Variants in DYDC2 observed in about 807,000 individuals in gnomAD.
The protein encoded by DYDC2 is DPY30 domain-containing protein 2.
In DYDC2, 19 loss-of-function variants were observed where a neutral mutation model predicts 18.7. The observed-to-expected ratio is 1.02, with a 90% confidence interval of 0.71 to 1.49. DYDC2 has a LOEUF of 1.49. Among genes scored for constraint, DYDC2 ranks in the 40% most tolerant of loss-of-function variants. The pLI, the probability that DYDC2 is intolerant of heterozygous loss-of-function variation, is 0.00. For synonymous variants in DYDC2, 63 were observed against 67.6 expected, an observed-to-expected ratio of 0.93 and a Z score of 0.34; for missense variants, 179 against 205.1, an observed-to-expected ratio of 0.87 and a Z score of 0.78.
chr10:80,361,304 C>T (rs1012306037), intron 2 of DYDC2, among the ~76,000 whole-genome samples: 12 of 152,286 alleles, frequency 7.9e-5, no homozygotes, highest in African/African-American at 2.9e-4. Flanking sequence ...ATAAGAAGTG[C>T]ATCACATCAG....
chr10:80,356,443 C>T (rs1175307421), upstream of DYDC2: 1 of 985,244 alleles, frequency 1.0e-6, no homozygotes, highest in Non-Finnish European at 1.2e-6. Context: ...ATCTGGCAAC[C>T]TCCCGGGGCG....
upstream of DYDC2, among the ~76,000 whole-genome samples, chr10:80,355,229 A>G (rs1843288770): frequency 6.6e-6 from 1 of 151,956 alleles, no homozygotes; most frequent in African/African-American, 2.4e-5. Flanking sequence ...TTGTCCCTGG[A>G]CAAATGCATC....
chr10:80,356,474 C>T (rs1843374394), upstream of DYDC2: 27 of 985,228 alleles, frequency 2.7e-5, no homozygotes, highest in African/African-American at 3.5e-5. Context: ...TTTTCCCACC[C>T]GGGAGTCTGG....
At position 80,363,044 on chromosome 10, in the gene DYDC2, A is replaced by G. The variant is rs1473858827; in HGVS notation, c.241A>G (p.Ile81Val). 8.7e-6 allele frequency: 14 copies of G among 1,613,970 alleles called. No individual in the cohort carries two copies. Among genetic ancestry groups the G allele is most frequent in the Non-Finnish European group, 1.2e-5 (14 of 1,179,970 alleles). The change falls in exon 4 of 5, where the codon ATT (isoleucine) becomes GTT (valine). Residue 81 changes from isoleucine to valine, a missense_variant. Ile to Val is a conservative substitution (Grantham distance 29). Transcript: ENST00000256039. ...TEMLKQEEYQ[I>V]QQNCEKCHKE... is the part of the protein sequence containing the mutation. ...AATGCTGAAACAGGAAGAGTATCAG[A>G]TTCAACAGAACTGTGAAAAGTGTCA...
At chr10:80,352,343 T>C (rs1286690361), upstream of DYDC2, 1 of 1,334,314 alleles carries the variant, frequency 7.5e-7, no homozygotes, top group East Asian at 2.8e-5. Flanking sequence ...AGTTTTTGTA[T>C]AATAAACATT....
intron 1 of DYDC2, among the ~76,000 whole-genome samples, chr10:80,351,061 C>T (rs1471158442): frequency 6.6e-6 from 1 of 152,068 alleles, no homozygotes; most frequent in Non-Finnish European, 1.5e-5. Context: ...CCAAGTAATG[C>T]TAAATTATAT....
At position 80,357,875 on chromosome 10, in the gene DYDC2, G is replaced by A; in HGVS notation, c.-162-18G>A. The A allele has an allele frequency of 1.0e-6, 1 of 985,470 alleles. No individual in the cohort carries two copies. Among genetic ancestry groups the A allele is most frequent in the Non-Finnish European group, 1.2e-6 (1 of 829,938 alleles). The allele number at this position is 985,470 out of a possible 1,614,324, so 61.0% of individuals were successfully genotyped here. ...GTGGCAGAACTCTCTCAATGAATAA[G>A]TCAAGAAATATTTACAGAGCTCCCA... On this transcript the variant is annotated intron_variant, in intron 1 of 4. Coordinates refer to ENST00000256039, the MANE Select transcript of DYDC2 (RefSeq NM_032372.6).
chr10:80,345,397 C>T (rs886427727), intron 1 of DYDC2, among the ~76,000 whole-genome samples: 8 of 152,050 alleles, frequency 5.3e-5, no homozygotes, highest in Admixed American at 3.9e-4. Context: ...TTTCAATATC[C>T]ATCATCTTAG....
intron 1 of DYDC2, among the ~76,000 whole-genome samples, chr10:80,346,444 CTTTT>C (rs1032729095): frequency 4.3e-4 from 36 of 83,350 alleles, no homozygotes; most frequent in African/African-American, 1.0e-3. Context: ...TCTTCCCTTT[CTTTT>C]TTTTTTTTTT....
intron 2 of DYDC2, among the ~76,000 whole-genome samples, chr10:80,360,431 C>G (rs1843629265): frequency 6.6e-6 from 1 of 152,178 alleles, no homozygotes; most frequent in Non-Finnish European, 1.5e-5. Context: ...CTGTGTCCCT[C>G]TTATAGTGAC....
chr10:80,362,157 T>G (rs1315819503), intron 2 of DYDC2, among the ~76,000 whole-genome samples: 3 of 152,252 alleles, frequency 2.0e-5, no homozygotes, highest in African/African-American at 4.8e-5. Flanking sequence ...AGGCTAGATC[T>G]GAGCTTTTAT....
At chr10:80,353,272 A>G (rs1349290979), upstream of DYDC2, among the ~76,000 whole-genome samples, 1 of 151,776 alleles carries the variant, frequency 6.6e-6, no homozygotes, top group African/African-American at 2.4e-5. Flanking sequence ...TCCAGACATC[A>G]TCTCTCCTGG....
At chr10:80,352,694 C>CATA, upstream of DYDC2, 2 of 1,438,474 alleles carry the variant, frequency 1.4e-6, no homozygotes, top group Non-Finnish European at 1.8e-6. Context: ...GTGAACAAAG[C>CATA]CTTACATACA....
chr10:80,352,827 C>G, upstream of DYDC2: 1 of 423,752 alleles, frequency 2.4e-6, no homozygotes, highest in Non-Finnish European at 3.9e-6. Context: ...GTTTCAAAAT[C>G]CTGAAGGACT....
rs749152830 is a variant in DYDC2 at position 80,366,823 on chromosome 10, G to T, written c.406G>T (p.Val136Phe). 11 of 1,614,122 alleles carry T rather than the reference G, an allele frequency of 6.8e-6. No individual in the cohort carries two copies. The East Asian group carries it at 2.0e-4, about 29-fold the overall frequency. The change falls in exon 5 of 5, where the codon GTT (valine) becomes TTT (phenylalanine). Residue 136 changes from valine (V) to phenylalanine (F), a missense_variant. Transcript: ENST00000256039. ...SSLIPGMPQQ[V>F]PPSESAGQID... Reference sequence around the variant, plus strand: ...TCTGATTCCAGGAATGCCTCAACAGGTTCCTCCTTCAGAGTCTGCTGGCCA... The same window carrying T: ...TCTGATTCCAGGAATGCCTCAACAGTTTCCTCCTTCAGAGTCTGCTGGCCA...
Position 80,367,256 on chromosome 10 carries a change from T to G in DYDC2, c.*305T>G. On this transcript the variant is annotated 3_prime_UTR_variant, in exon 5 of 5. Coordinates refer to ENST00000256039, the MANE Select transcript of DYDC2 (RefSeq NM_032372.6). ...GGTGATCAGACCCAACACCCGGCCA[T>G]GGGGGCTACAAAGTCCAGCCGAGTC... is the stretch of plus-strand genomic sequence containing the variant. The G allele has an allele frequency of 4.3e-6, 1 of 230,808 alleles. No homozygotes were observed. The highest frequency in any genetic ancestry group is 8.3e-6 in the Non-Finnish European group (1 of 120,438). 14.3% of individuals were successfully genotyped at this position (230,808 alleles called of 1,614,324 possible). A position where few individuals can be genotyped will look rare whatever the true frequency, so the allele number is the denominator to read the frequency against.
At chr10:80,352,214 A>G (rs1843038110), upstream of DYDC2, among the ~76,000 whole-genome samples, 1 of 152,224 alleles carries the variant, frequency 6.6e-6, no homozygotes, top group Non-Finnish European at 1.5e-5. Context: ...TCACAAGTAC[A>G]TAAACGTAAA....
upstream of DYDC2, among the ~76,000 whole-genome samples, chr10:80,356,016 C>G (rs1394886775): frequency 1.4e-5 from 2 of 147,802 alleles, no homozygotes; most frequent in Non-Finnish European, 3.0e-5. Context: ...GGTGCACAGA[C>G]TCCTGTTGCT....
intron 4 of DYDC2, among the ~76,000 whole-genome samples, chr10:80,365,476 T>G (rs1843799049): frequency 6.6e-6 from 1 of 152,228 alleles, no homozygotes; most frequent in African/African-American, 2.4e-5. Context: ...TAGAAATGTA[T>G]TTTTATAGAA....
Sources: allele counts gnomAD v4.1 joint callset (sites outside exome capture counted in the v4.1 genomes callset), GRCh38; gene constraint gnomAD v4.1.1; transcripts MANE v1.5; gene names NCBI Gene and HGNC (gene_info 2026-07-23, HGNC 2026-07-21).